Variants in SLC4A7 observed in about 807,000 individuals in gnomAD.
SLC4A7 encodes sodium bicarbonate cotransporter 3.
Under a neutral mutation model 137.6 loss-of-function variants are expected in SLC4A7, and 51 were observed. That is an observed-to-expected ratio of 0.37 (90% CI 0.30 to 0.47). The LOEUF (loss-of-function observed/expected upper bound fraction) is 0.47. Ranked by LOEUF, SLC4A7 falls within the 20% of genes least tolerant of loss-of-function variation. The pLI is 1.00. For missense variants in SLC4A7, 1,247 were observed against 1,525.4 expected, an observed-to-expected ratio of 0.82 and a Z score of 3.04; for synonymous variants, 542 against 518.6, an observed-to-expected ratio of 1.05 and a Z score of -0.61.
chr3:27,442,602 G>T (rs2057287337), intron 3 of SLC4A7, among the ~76,000 whole-genome samples: 1 of 152,040 alleles, frequency 6.6e-6, no homozygotes, highest in South Asian at 2.1e-4. Context: ...TAGAGACTAG[G>T]GTTTCACTAT....
At chr3:27,405,750 AAAAT>A (rs796528659) in intron 13 of SLC4A7, among the ~76,000 whole-genome samples, 7 of 152,314 alleles carry the variant, frequency 4.6e-5, no homozygotes, top group African/African-American at 1.7e-4. Context: ...AATATTTAAC[AAAAT>A]AAATGAGAAA....
intron 12 of SLC4A7, among the ~76,000 whole-genome samples, chr3:27,409,920 A>T (rs2053743353): frequency 6.6e-6 from 1 of 152,232 alleles, no homozygotes; most frequent in Non-Finnish European, 1.5e-5. Context: ...CTTAAAGGCA[A>T]CAATCACAAA....
intron 14 of SLC4A7, among the ~76,000 whole-genome samples, chr3:27,403,707 T>C (rs908180987): frequency 6.6e-6 from 1 of 152,138 alleles, no homozygotes; most frequent in Non-Finnish European, 1.5e-5. Flanking sequence ...TATAAATCAG[T>C]TATGAGTAAA....
intron 6 of SLC4A7, among the ~76,000 whole-genome samples, chr3:27,432,540 T>C (rs1000552656): frequency 1.3e-5 from 2 of 152,184 alleles, no homozygotes; most frequent in Non-Finnish European, 2.9e-5. Flanking sequence ...AGAATAACAT[T>C]CTTTATGAAA....
chr3:27,437,976 C>T (rs2056871243), intron 3 of SLC4A7, among the ~76,000 whole-genome samples: 1 of 152,114 alleles, frequency 6.6e-6, no homozygotes, highest in Admixed American at 6.5e-5. Flanking sequence ...GCAAGTGTAC[C>T]ATCTGAGGTC....
At chr3:27,425,478 A>T (rs982199857) in intron 7 of SLC4A7, among the ~76,000 whole-genome samples, 1 of 150,924 alleles carries the variant, frequency 6.6e-6, no homozygotes, top group Non-Finnish European at 1.5e-5. Flanking sequence ...GGAGTTCGAG[A>T]CCAGCCTGAC....
At chr3:27,449,885 A>T (rs943280386) in intron 2 of SLC4A7, among the ~76,000 whole-genome samples, 4 of 152,234 alleles carry the variant, frequency 2.6e-5, no homozygotes, top group African/African-American at 9.6e-5. Context: ...ATTTCAAGAA[A>T]CTTAGGACTG....
intron 4 of SLC4A7, 117 bp from the exon 5 acceptor site, chr3:27,436,665 C>G: frequency 1.5e-6 from 1 of 651,142 alleles, no homozygotes. Context: ...TAAAGAAAAC[C>G]ACGACCAAAC....
chr3:27,477,547 G>A (rs188168505), intron 1 of SLC4A7, among the ~76,000 whole-genome samples: 168 of 152,172 alleles, frequency 1.1e-3, no homozygotes, highest in Admixed American at 3.4e-3. Context: ...GCAATACCAC[G>A]TAATATTAAG....
At chr3:27,411,117 A>C in intron 12 of SLC4A7, among the ~76,000 whole-genome samples, 1 of 152,174 alleles carries the variant, frequency 6.6e-6, no homozygotes, top group Non-Finnish European at 1.5e-5. Flanking sequence ...CAATATTTCT[A>C]TTTTTTGTTA....
chr3:27,399,975 A>G (rs560852159), intron 16 of SLC4A7, among the ~76,000 whole-genome samples: 34 of 152,330 alleles, frequency 2.2e-4, no homozygotes, highest in African/African-American at 8.2e-4. Flanking sequence ...AAAATTTCAG[A>G]TAATATCCTT....
At chr3:27,453,593 A>G (rs1458625101) in intron 1 of SLC4A7, among the ~76,000 whole-genome samples, 2 of 152,260 alleles carry the variant, frequency 1.3e-5, no homozygotes, top group African/African-American at 4.8e-5. Flanking sequence ...AGCCTGGGCA[A>G]CAAGCATGAA....
At chr3:27,449,456 AAT>A (rs1243602595) in intron 2 of SLC4A7, among the ~76,000 whole-genome samples, 2 of 151,394 alleles carry the variant, frequency 1.3e-5, no homozygotes, top group Admixed American at 6.6e-5. Context: ...AAAAAAAATC[AAT>A]AAAGACCAAA....
chr3:27,434,077 G>C lies in SLC4A7; in HGVS notation c.617C>G (p.Ser206Cys). 2 of 1,612,342 alleles carry C rather than the reference G, an allele frequency of 1.2e-6. No homozygotes were observed. Among genetic ancestry groups the C allele is most frequent in the Non-Finnish European group, 1.7e-6 (2 of 1,179,356 alleles). ...ADMVLDNMIA[S>C]GQLDESIREN... ...TCGTATGGACTCGTCTAATTGGCCA[G>C]AAGCTATCATGTTGTCTAATACCAT... Residue 206 changes from serine (S) to cysteine (C), a missense_variant, in exon 6 of 26, where the codon TCT becomes TGT. Transcript: ENST00000454389.
chr3:27,408,988 G>C (rs2053649544), intron 13 of SLC4A7, among the ~76,000 whole-genome samples: 1 of 152,014 alleles, frequency 6.6e-6, no homozygotes, highest in African/African-American at 2.4e-5. Flanking sequence ...TACCTTACAG[G>C]ATATGAAGTA....
At position 27,433,913 on chromosome 3, in the gene SLC4A7, C is replaced by T; in HGVS notation, c.778+3G>A. The stretch of plus-strand genomic sequence containing the variant: ...AAAAATTGGATGCCACAACTTATCT[C>T]ACCATTCCTTTCAAGCAAGTGAGGG... On this transcript the variant is annotated splice_donor_region_variant and intron_variant, in intron 6 of 25. Transcript: ENST00000454389. 1 of 1,613,362 alleles carries T rather than the reference C, an allele frequency of 6.2e-7. No homozygotes were observed. Among genetic ancestry groups the T allele is most frequent in the African/African-American group, 1.3e-5 (1 of 75,000 alleles).
intron 3 of SLC4A7, among the ~76,000 whole-genome samples, chr3:27,443,835 T>C (rs1343357199): frequency 1.3e-5 from 2 of 152,250 alleles, no homozygotes; most frequent in East Asian, 1.9e-4. Context: ...CTAACTTCTG[T>C]TGTGATTATT....
At chr3:27,386,097 T>A in intron 22 of SLC4A7, 74 bp from the exon 23 acceptor site, 1 of 1,171,732 alleles carries the variant, frequency 8.5e-7, no homozygotes, top group African/African-American at 1.7e-5. Context: ...AAAAGCATAT[T>A]TATTAAATCT....
intron 1 of SLC4A7, among the ~76,000 whole-genome samples, chr3:27,478,307 C>T (rs1297685793): frequency 6.6e-6 from 1 of 151,942 alleles, no homozygotes; most frequent in African/African-American, 2.4e-5. Flanking sequence ...GACCTGAGGT[C>T]AGGAGTTCGA....
Sources: allele counts gnomAD v4.1 joint callset (sites outside exome capture counted in the v4.1 genomes callset), GRCh38; gene constraint gnomAD v4.1.1; transcripts MANE v1.5; gene names NCBI Gene and HGNC (gene_info 2026-07-23, HGNC 2026-07-21).